The following ASIC2 variants were observed in gnomAD, a reference collection of about 807,000 sequenced individuals.
ASIC2 encodes acid sensing ion channel subunit 2.
Under a neutral mutation model 57.3 loss-of-function variants are expected in ASIC2, and 25 were observed. The ratio of observed to expected loss-of-function variants is 0.44; its 90% CI spans 0.32 to 0.61. The LOEUF (loss-of-function observed/expected upper bound fraction) is 0.61, where lower values mean the gene tolerates loss of function less well. Ranked by LOEUF, ASIC2 falls within the 20% of genes least tolerant of loss-of-function variation. The probability of loss-of-function intolerance (pLI) is 0.06; values close to 1 mark genes in which losing one functional copy is unlikely to be tolerated. For synonymous variants in ASIC2, 319 were observed against 307.5 expected, an observed-to-expected ratio of 1.04 and a Z score of -0.39; for missense variants, 641 against 738.1, an observed-to-expected ratio of 0.87 and a Z score of 1.52.
chr17:33,221,542 C>T (rs1410366121), intron 1 of ASIC2, among the ~76,000 whole-genome samples: 1 of 152,140 alleles, frequency 6.6e-6, no homozygotes, highest in African/African-American at 2.4e-5. Flanking sequence ...AATTCTGCTC[C>T]TACCTGGCAC....
chr17:33,775,561 G>T (rs986145731), intron 1 of ASIC2, among the ~76,000 whole-genome samples: 8 of 152,226 alleles, frequency 5.3e-5, no homozygotes, highest in Non-Finnish European at 7.4e-5. Flanking sequence ...GAGTTAAGCA[G>T]GTATCTACAG....
At chr17:33,606,843 G>A (rs1905244558) in intron 1 of ASIC2, among the ~76,000 whole-genome samples, 1 of 152,130 alleles carries the variant, frequency 6.6e-6, no homozygotes, top group Non-Finnish European at 1.5e-5. Context: ...CCAGGGTCTG[G>A]AGGTCCTGAG....
At chr17:33,035,284 T>C (rs1240201861) in intron 3 of ASIC2, among the ~76,000 whole-genome samples, 1 of 152,202 alleles carries the variant, frequency 6.6e-6, no homozygotes, top group Non-Finnish European at 1.5e-5. Flanking sequence ...AATTCTAACA[T>C]TGGGGTTATA....
At chr17:33,761,730 A>T (rs1910786695) in intron 1 of ASIC2, among the ~76,000 whole-genome samples, 1 of 152,062 alleles carries the variant, frequency 6.6e-6, no homozygotes, top group Admixed American at 6.6e-5. Context: ...GTTGACTCTA[A>T]TCATCTTCTA....
chr17:33,025,176 G>C (rs2091853735), intron 5 of ASIC2, among the ~76,000 whole-genome samples: 1 of 152,170 alleles, frequency 6.6e-6, no homozygotes, highest in African/African-American at 2.4e-5. Flanking sequence ...GAACGAACTT[G>C]AGGGCACATT....
At chr17:33,077,210 T>G (rs1259589811) in intron 3 of ASIC2, among the ~76,000 whole-genome samples, 1 of 152,038 alleles carries the variant, frequency 6.6e-6, no homozygotes, top group Non-Finnish European at 1.5e-5. Flanking sequence ...CCCAAATGCA[T>G]CAAAGGCCCT....
At chr17:34,054,471 C>T (rs1908688671) in intron 1 of ASIC2, among the ~76,000 whole-genome samples, 1 of 152,032 alleles carries the variant, frequency 6.6e-6, no homozygotes, top group Non-Finnish European at 1.5e-5. Context: ...CCCTCCTTTC[C>T]CAGATTACTT....
At chr17:33,429,660 G>A (rs1446245979) in intron 1 of ASIC2, among the ~76,000 whole-genome samples, 7 of 152,080 alleles carry the variant, frequency 4.6e-5, no homozygotes, top group Non-Finnish European at 1.0e-4. Flanking sequence ...AAAGTGCTGG[G>A]ATTAGAGGTA....
At chr17:33,981,153 T>C (rs1162317954) in intron 1 of ASIC2, among the ~76,000 whole-genome samples, 3 of 152,056 alleles carry the variant, frequency 2.0e-5, no homozygotes, top group Non-Finnish European at 4.4e-5. Flanking sequence ...GGTTTCACCA[T>C]GTTGGCCAGG....
intron 1 of ASIC2, among the ~76,000 whole-genome samples, chr17:33,174,999 G>T (rs1414779570): frequency 6.6e-6 from 1 of 152,028 alleles, no homozygotes; most frequent in Non-Finnish European, 1.5e-5. Context: ...GCCAAAAGTG[G>T]AGCTTTCTTT....
intron 1 of ASIC2, among the ~76,000 whole-genome samples, chr17:33,561,517 C>G (rs1916072769): frequency 6.6e-6 from 1 of 152,200 alleles, no homozygotes; most frequent in Non-Finnish European, 1.5e-5. Context: ...GTGATAGAAA[C>G]AGAAGACTGA....
chr17:33,218,182 C>A (rs746903586), intron 1 of ASIC2, among the ~76,000 whole-genome samples: 28 of 152,208 alleles, frequency 1.8e-4, no homozygotes, highest in East Asian at 3.8e-4. Flanking sequence ...TCTCAGTCTG[C>A]CCCTCTGCAG....
At chr17:33,124,282 T>C in intron 1 of ASIC2, among the ~76,000 whole-genome samples, 1 of 152,220 alleles carries the variant, frequency 6.6e-6, no homozygotes, top group East Asian at 1.9e-4. Flanking sequence ...TTCAAAGCCA[T>C]CACAGATTCA....
At chr17:33,248,091 G>T (rs1440657235) in intron 1 of ASIC2, among the ~76,000 whole-genome samples, 1 of 152,210 alleles carries the variant, frequency 6.6e-6, no homozygotes, top group Non-Finnish European at 1.5e-5. Flanking sequence ...AGCTGAAACT[G>T]GGTTGGTCAT....
chr17:33,066,492 A>G (rs2092044135), intron 3 of ASIC2, among the ~76,000 whole-genome samples: 1 of 152,190 alleles, frequency 6.6e-6, no homozygotes, highest in South Asian at 2.1e-4. Context: ...GGCCATTTAA[A>G]GAGACAAGAC....
intron 1 of ASIC2, among the ~76,000 whole-genome samples, chr17:33,785,621 C>G (rs1189191696): frequency 6.6e-6 from 1 of 152,112 alleles, no homozygotes; most frequent in African/African-American, 2.4e-5. Flanking sequence ...TAATAGTAAT[C>G]TTTTTGTGAA....
At chr17:34,138,777 A>G (rs763845229) in intron 1 of ASIC2, among the ~76,000 whole-genome samples, 1 of 152,100 alleles carries the variant, frequency 6.6e-6, no homozygotes, top group Non-Finnish European at 1.5e-5. Flanking sequence ...CCTTTCACCC[A>G]CAGTCATTCT....
chr17:33,589,529 A>G (rs905727326), intron 1 of ASIC2, among the ~76,000 whole-genome samples: 1 of 151,846 alleles, frequency 6.6e-6, no homozygotes, highest in African/African-American at 2.4e-5. Context: ...CCATTTCCCA[A>G]TCACCCCAGC....
At chr17:34,037,826 G>C in intron 1 of ASIC2, 9 of 1,614,110 alleles carry the variant, frequency 5.6e-6, no homozygotes, top group Non-Finnish European at 7.6e-6. Flanking sequence ...CGGCTTTGGC[G>C]GGAACTGCAC....
Sources: gnomAD v4.1 joint callset for allele counts (sites outside exome capture counted in the v4.1 genomes callset) on GRCh38, gnomAD v4.1.1 for gene constraint, MANE v1.5 for transcripts, NCBI Gene and HGNC (gene_info 2026-07-23, HGNC 2026-07-21) for gene names.